CCZ1: variants seen among roughly 807,000 people sequenced by gnomAD.
The protein encoded by CCZ1 is vacuolar fusion protein CCZ1 homolog.
In CCZ1, 19 loss-of-function variants were observed where a neutral mutation model predicts 57.8. The ratio of observed to expected loss-of-function variants is 0.33; its 90% CI spans 0.23 to 0.48. The LOEUF (loss-of-function observed/expected upper bound fraction) is 0.48, where lower values mean the gene tolerates loss of function less well. Among genes scored for constraint, CCZ1 ranks in the 20% least tolerant of loss-of-function variants. The pLI, the probability that CCZ1 is intolerant of heterozygous loss-of-function variation, is 0.99. For missense variants in CCZ1, 200 were observed against 492.0 expected (o/e 0.41, Z 5.61); for synonymous variants, 81 against 167.0 (o/e 0.49, Z 3.97).
At chr7:5,908,812 T>A (rs1322796343) in intron 7 of CCZ1, among the ~76,000 whole-genome samples, 1 of 144,156 alleles carries the variant, frequency 6.9e-6, no homozygotes, top group African/African-American at 2.6e-5. Context: ...GTGCTGCTCC[T>A]TCCTGCCTCA....
chr7:5,910,209 C>G, intron 8 of CCZ1, 93 bp downstream of exon 8: 1 of 1,060,734 alleles, frequency 9.4e-7, no homozygotes, highest in South Asian at 1.4e-5. Flanking sequence ...CGTTTCTGAT[C>G]GTTTCTGATG....
At chr7:5,899,382 T>C (rs1031107759) in intron 1 of CCZ1, among the ~76,000 whole-genome samples, 1 of 94,258 alleles carries the variant, frequency 1.1e-5, no homozygotes, top group South Asian at 3.2e-4. Context: ...TGTGTGTGTG[T>C]GGTTTTTCTG....
In CCZ1 at chr7:5,905,749, C is replaced by T. The variant is rs1245955771; in HGVS notation, c.698+480C>T. 4.0e-4 allele frequency among the ~76,000 whole-genome samples: 48 copies of T among 121,310 alleles called. 3 individuals are homozygous for T. The highest frequency in any genetic ancestry group is 1.4e-3 in the African/African-American group (44 of 31,404). The allele number at this position is 121,310 out of a possible 152,430, so 79.6% of individuals were successfully genotyped here. ...GTGAGCCGAGATGGCACCACTGTACCCCAGCCTGGCAACAGAGAGAGACTC... is the reference window on the plus strand; with the variant it reads ...GTGAGCCGAGATGGCACCACTGTACTCCAGCCTGGCAACAGAGAGAGACTC... On this transcript the variant is annotated intron_variant, in intron 7 of 14. Transcript: ENST00000325974.
At chr7:5,915,359 C>T (rs1261712233) in intron 10 of CCZ1, among the ~76,000 whole-genome samples, 6 of 143,254 alleles carry the variant, frequency 4.2e-5, no homozygotes, top group Non-Finnish European at 7.7e-5. Flanking sequence ...TTTGAGACCC[C>T]ATCTCAAGAA....
chr7:5,905,092 A>G lies in CCZ1; in HGVS notation c.523-2A>G, dbSNP rs1481634041. 8 of 1,599,428 alleles carry G rather than the reference A, an allele frequency of 5.0e-6. 1 individual carries two copies. Among genetic ancestry groups the G allele is most frequent in the Admixed American group, 1.7e-5 (1 of 59,534 alleles). ...TTTTATGCCTTATTTTTTTTCCCAC[A>G]GTATTTGCAAACGCTACATTTGCAG... On this transcript the variant is annotated splice_acceptor_variant, in intron 6 of 14. Coordinates refer to ENST00000325974, the MANE Select transcript of CCZ1 (RefSeq NM_015622.6). LOFTEE classifies it high-confidence loss of function.
intron 6 of CCZ1, among the ~76,000 whole-genome samples, chr7:5,903,157 A>T (rs930665223): frequency 1.4e-4 from 21 of 149,018 alleles, no homozygotes; most frequent in Non-Finnish European, 2.7e-4. Context: ...AACCGTCTTG[A>T]TGTAGGTAAG....
At chr7:5,908,802 G>A (rs2128612112) in intron 7 of CCZ1, among the ~76,000 whole-genome samples, 1 of 143,960 alleles carries the variant, frequency 6.9e-6, no homozygotes, top group Admixed American at 6.9e-5. Flanking sequence ...CTTTTTCCAT[G>A]TGCTGCTCCT....
At chr7:5,906,355 ACT>A (rs961031703) in intron 7 of CCZ1, among the ~76,000 whole-genome samples, 1 of 125,334 alleles carries the variant, frequency 8.0e-6, no homozygotes, top group African/African-American at 3.1e-5. Flanking sequence ...ACGGAGTCTC[ACT>A]CTGTTGCCAG....
intron 9 of CCZ1, 78 bp from the exon 10 acceptor site, chr7:5,912,765 T>C (rs1779066418): frequency 1.1e-5 from 12 of 1,125,326 alleles, no homozygotes; most frequent in African/African-American, 1.5e-5. Context: ...GTGTATGAAG[T>C]GGGAGTGTGT....
At chr7:5,901,549 T>G (rs905693717) in intron 4 of CCZ1, 108 bp from the exon 5 acceptor site, 1 of 1,460,872 alleles carries the variant, frequency 6.8e-7, no homozygotes, top group South Asian at 1.5e-5. Flanking sequence ...GGACAAAGTT[T>G]ATAAACATTA....
rs569621028 is a variant in CCZ1 at position 5,902,774 on chromosome 7, T to C, written c.522+30T>C. The C allele has an allele frequency of 1.9e-4, 297 of 1,585,124 alleles. 7 individuals are homozygous for C. Among genetic ancestry groups the C allele is most frequent in the Admixed American group, 5.8e-4 (32 of 54,890 alleles). On this transcript the variant is annotated intron_variant, in intron 6 of 14. Coordinates refer to ENST00000325974, the MANE Select transcript of CCZ1 (RefSeq NM_015622.6). ...GTATTTTGAATTTCATTTATAACTT[T>C]AGTAAGCATTCAGCAGGTTTTTAGA...
At chr7:5,901,793 G>A in intron 5 of CCZ1, 89 bp downstream of exon 5, 2 of 1,524,926 alleles carry the variant, frequency 1.3e-6, no homozygotes, top group Non-Finnish European at 1.8e-6. Flanking sequence ...ATCTGTAAAT[G>A]ACTGCAAAGT....
At chr7:5,911,820 A>C in intron 8 of CCZ1, 41 bp from the exon 9 acceptor site, 2 of 1,392,890 alleles carry the variant, frequency 1.4e-6, no homozygotes, top group Non-Finnish European at 2.0e-6. Flanking sequence ...AAATAAATAA[A>C]AAGTCTGATA....
intron 8 of CCZ1, among the ~76,000 whole-genome samples, chr7:5,911,480 A>T (rs1779027107): frequency 6.7e-6 from 1 of 148,634 alleles, no homozygotes; most frequent in Non-Finnish European, 1.5e-5. Context: ...TTTTTTGTAG[A>T]GATGGGATCT....
chr7:5,899,900 G>A (rs1197612097), intron 1 of CCZ1, among the ~76,000 whole-genome samples: 1 of 147,178 alleles, frequency 6.8e-6, no homozygotes, highest in African/African-American at 2.6e-5. Flanking sequence ...ATTAGCACTA[G>A]GAAAGAAACC....
intron 10 of CCZ1, among the ~76,000 whole-genome samples, chr7:5,914,159 T>C (rs941627941): frequency 1.4e-5 from 2 of 147,736 alleles, no homozygotes; most frequent in Admixed American, 6.7e-5. Flanking sequence ...TAATATAAAA[T>C]TGAAATGGGC....
chr7:5,920,767 C>T (rs1425725065), intron 12 of CCZ1, among the ~76,000 whole-genome samples: 3 of 114,654 alleles, frequency 2.6e-5, no homozygotes, highest in Admixed American at 1.7e-4. Flanking sequence ...CTACCGCACC[C>T]GGCCATGCTT....
chr7:5,912,226 G>A (rs1779054704), intron 9 of CCZ1, among the ~76,000 whole-genome samples: 2 of 136,080 alleles, frequency 1.5e-5, no homozygotes, highest in South Asian at 5.4e-4. Context: ...CCAAAGTGCT[G>A]GGATTACAGG....
At chr7:5,903,369 T>G in intron 6 of CCZ1, among the ~76,000 whole-genome samples, 1 of 145,192 alleles carries the variant, frequency 6.9e-6, no homozygotes, top group East Asian at 2.3e-4. Flanking sequence ...TCTTCCCTCC[T>G]TGGCCTCCCA....
Sources: allele counts gnomAD v4.1 joint callset (sites outside exome capture counted in the v4.1 genomes callset), GRCh38; gene constraint gnomAD v4.1.1; transcripts MANE v1.5; gene names NCBI Gene and HGNC (gene_info 2026-07-23, HGNC 2026-07-21).